The following FGF12 variants were observed in gnomAD, a reference collection of about 807,000 sequenced individuals.
FGF12 encodes fibroblast growth factor 12B.
Under a neutral mutation model 23.6 loss-of-function variants are expected in FGF12, and 14 were observed. That is an observed-to-expected ratio of 0.59 (90% CI 0.39 to 0.93). FGF12 has a LOEUF of 0.93. FGF12 is among the 40% of genes least tolerant of loss of function. FGF12 has a pLI of 0.00. For missense variants in FGF12, 175 were observed against 217.8 expected, an observed-to-expected ratio of 0.80 and a Z score of 1.24; for synonymous variants, 62 against 77.3, an observed-to-expected ratio of 0.80 and a Z score of 1.04.
intron 2 of FGF12, among the ~76,000 whole-genome samples, chr3:192,690,575 C>T (rs1717909291): frequency 8.5e-6 from 1 of 117,952 alleles, no homozygotes; most frequent in Admixed American, 8.8e-5. Context: ...AGAAATCAAA[C>T]CACAACACTA....
intron 2 of FGF12, among the ~76,000 whole-genome samples, chr3:192,366,414 A>G (rs1718986131): frequency 6.6e-6 from 1 of 152,208 alleles, no homozygotes; most frequent in South Asian, 2.1e-4. Context: ...AAATTATGTA[A>G]TGGGGGCCAT....
chr3:192,261,638 A>G (rs1362305446), intron 4 of FGF12, among the ~76,000 whole-genome samples: 1 of 152,218 alleles, frequency 6.6e-6, no homozygotes. Context: ...ACTGTAACAA[A>G]GTGTAAGGAG....
chr3:192,331,584 C>T (rs1168088948), intron 4 of FGF12, among the ~76,000 whole-genome samples: 2 of 151,940 alleles, frequency 1.3e-5, no homozygotes, highest in African/African-American at 4.8e-5. Context: ...GTGAAATAAG[C>T]CAGTTACAAA....
intron 4 of FGF12, among the ~76,000 whole-genome samples, chr3:192,223,169 G>T (rs1050985862): frequency 2.6e-5 from 4 of 152,016 alleles, no homozygotes; most frequent in Non-Finnish European, 5.9e-5. Context: ...TACTAGAGGC[G>T]CCTGAACACT....
intron 2 of FGF12, among the ~76,000 whole-genome samples, chr3:192,695,136 T>C (rs1718073769): frequency 1.3e-5 from 2 of 152,126 alleles, no homozygotes; most frequent in Non-Finnish European, 2.9e-5. Context: ...CTTAAATATA[T>C]ACAATCAGAA....
At chr3:192,543,113 C>T (rs1424655278) in intron 2 of FGF12, among the ~76,000 whole-genome samples, 1 of 149,472 alleles carries the variant, frequency 6.7e-6, no homozygotes, top group Non-Finnish European at 1.5e-5. Context: ...CCTCCAGCAC[C>T]AGTCACGTCT....
At chr3:192,499,517 T>TATATATATATATATA (rs57936647) in intron 2 of FGF12, among the ~76,000 whole-genome samples, 8 of 20,076 alleles carry the variant, frequency 4.0e-4, no homozygotes, top group South Asian at 4.6e-3. Context: ...TATATATATA[T>TATATATATATATATA]TTTTTTTTTT....
At chr3:192,246,698 G>A (rs544321635) in intron 4 of FGF12, among the ~76,000 whole-genome samples, 51 of 151,540 alleles carry the variant, frequency 3.4e-4, no homozygotes, top group African/African-American at 1.1e-3. Context: ...AGTGGTGGAC[G>A]CCTGTAATCC....
intron 5 of FGF12, among the ~76,000 whole-genome samples, chr3:192,162,183 C>G (rs898266044): frequency 7.2e-5 from 11 of 152,056 alleles, no homozygotes; most frequent in Admixed American, 5.2e-4. Flanking sequence ...GTCTTAATAG[C>G]AGATCATAGA....
At chr3:192,419,674 A>G (rs1721460605) in intron 2 of FGF12, among the ~76,000 whole-genome samples, 1 of 152,148 alleles carries the variant, frequency 6.6e-6, no homozygotes, top group Admixed American at 6.5e-5. Flanking sequence ...AATACTTGGG[A>G]AAACTTTTGT....
chr3:192,603,482 C>A (rs1577074763), intron 2 of FGF12, among the ~76,000 whole-genome samples: 1 of 151,932 alleles, frequency 6.6e-6, no homozygotes, highest in Non-Finnish European at 1.5e-5. Context: ...ATTGGGGGAA[C>A]CTGCCCCCAA....
rs1348216166 is a variant in FGF12 at position 192,408,807 on chromosome 3, G to A, written c.14-48269C>T. The A allele has an allele frequency of 1.1e-4, 109 of 985,740 alleles. 1 individual carries two copies. In the Admixed American group the frequency reaches 6.5e-3, roughly 59 times the overall value. 61.1% of individuals were successfully genotyped at this position (985,740 alleles called of 1,614,324 possible). A position where few individuals can be genotyped will look rare whatever the true frequency, so the allele number is the denominator to read the frequency against. ...ACAAGCCACCAACCGCACGAGAGAAGGAGAGGAAGGCAGCAATTTAACTCC... is the reference window on the plus strand; with the variant it reads ...ACAAGCCACCAACCGCACGAGAGAAAGAGAGGAAGGCAGCAATTTAACTCC... On this transcript the variant is annotated intron_variant, in intron 2 of 5. Transcript: ENST00000445105. The surrounding 1 kb of genome is among the most constrained non-coding windows in gnomAD (Gnocchi z 7.3).
chr3:192,261,106 A>C (rs1343667950), intron 4 of FGF12, among the ~76,000 whole-genome samples: 1 of 152,162 alleles, frequency 6.6e-6, no homozygotes, highest in Non-Finnish European at 1.5e-5. Flanking sequence ...AAGGAGCCAC[A>C]AAGGAATTAT....
At chr3:192,252,148 C>A (rs779129932) in intron 4 of FGF12, among the ~76,000 whole-genome samples, 4 of 151,744 alleles carry the variant, frequency 2.6e-5, no homozygotes, top group East Asian at 3.9e-4. Flanking sequence ...CTCTAGGATG[C>A]GAAATATTCA....
At chr3:192,396,117 A>G (rs1030564735) in intron 2 of FGF12, among the ~76,000 whole-genome samples, 1 of 152,222 alleles carries the variant, frequency 6.6e-6, no homozygotes, top group Non-Finnish European at 1.5e-5. Context: ...ATTGTGGCTA[A>G]GTTTTTTAAA....
intron 4 of FGF12, among the ~76,000 whole-genome samples, chr3:192,300,817 G>A (rs1000757495): frequency 5.9e-5 from 9 of 151,860 alleles, no homozygotes; most frequent in African/African-American, 2.2e-4. Context: ...AGGAGTTTGA[G>A]ACCACCCTGG....
intron 4 of FGF12, among the ~76,000 whole-genome samples, chr3:192,190,223 T>C (rs945621669): frequency 6.6e-6 from 1 of 152,136 alleles, no homozygotes; most frequent in African/African-American, 2.4e-5. Flanking sequence ...CATCTTCCCA[T>C]AACAAGCATA....
At chr3:192,716,581 T>C (rs1718873561) in intron 2 of FGF12, among the ~76,000 whole-genome samples, 1 of 152,198 alleles carries the variant, frequency 6.6e-6, no homozygotes, top group Non-Finnish European at 1.5e-5. Context: ...CTAGGTAAGA[T>C]GAAGAGGAAT....
chr3:192,681,867 G>A (rs906577344), intron 2 of FGF12, among the ~76,000 whole-genome samples: 1 of 152,080 alleles, frequency 6.6e-6, no homozygotes, highest in African/African-American at 2.4e-5. Flanking sequence ...CATGCTGAGG[G>A]TCACCATAGA....
Sources: gnomAD v4.1 joint callset for allele counts (sites outside exome capture counted in the v4.1 genomes callset) on GRCh38, gnomAD v4.1.1 for gene constraint, Gnocchi (gnomAD v3.1) non-coding constraint, MANE v1.5 for transcripts, NCBI Gene and HGNC (gene_info 2026-07-23, HGNC 2026-07-21) for gene names.